Variants in RBFOX1 observed in about 807,000 individuals in gnomAD.
RBFOX1 encodes RNA binding fox-1 homolog 1.
A neutral mutation model predicts 57.7 loss-of-function variants in RBFOX1; 8 were observed. The ratio of observed to expected loss-of-function variants is 0.14; its 90% CI spans 0.08 to 0.25. The LOEUF is 0.25. Ranked by LOEUF, RBFOX1 falls within the 10% of genes least tolerant of loss-of-function variation. RBFOX1 has a pLI of 1.00. For missense variants in RBFOX1, 611 were observed against 548.5 expected (o/e 1.11, Z -1.14); for synonymous variants, 326 against 222.4 (o/e 1.47, Z -4.15).
chr16:5,551,387 C>T (rs1044094825), intron 2 of RBFOX1, among the ~76,000 whole-genome samples: 1 of 152,192 alleles, frequency 6.6e-6, no homozygotes, highest in African/African-American at 2.4e-5. Flanking sequence ...TTGGACGGGA[C>T]ACAGCCAGAG....
At chr16:5,771,689 G>A (rs2053982418) in intron 3 of RBFOX1, among the ~76,000 whole-genome samples, 1 of 152,298 alleles carries the variant, frequency 6.6e-6, no homozygotes, top group Non-Finnish European at 1.5e-5. Flanking sequence ...GATGACAGAT[G>A]TAAGCTACCA....
At chr16:6,888,623 A>C (rs2064699272) in intron 3 of RBFOX1, among the ~76,000 whole-genome samples, 1 of 152,128 alleles carries the variant, frequency 6.6e-6, no homozygotes, top group African/African-American at 2.4e-5. Flanking sequence ...TTGGTTCATC[A>C]GGCTGTTCCT....
Position 5,288,995 on chromosome 16 carries a change from C to CA in RBFOX1, c.219+48891dup, listed in dbSNP as rs1482542024. On this transcript the variant is annotated intron_variant, in intron 1 of 2. Coordinates refer to the RBFOX1 transcript ENST00000585867. Reference sequence around the variant, plus strand: ...AAAAAATTAGCTGGGCATGGTGGCGCACGCCTGTAGTCCCACCTACTCGGG... The same window carrying CA: ...AAAAAATTAGCTGGGCATGGTGGCGCAACGCCTGTAGTCCCACCTACTCGGG... Among the ~76,000 whole-genome samples, 14 of 152,206 alleles carry CA rather than the reference C, an allele frequency of 9.2e-5. No homozygotes were observed. In the East Asian group the frequency reaches 2.1e-3, roughly 23 times the overall value.
At chr16:5,281,991 A>G (rs9931181) in intron 1 of RBFOX1, among the ~76,000 whole-genome samples, 49,022 of 152,018 alleles carry the variant, frequency 0.32, 7,934 homozygotes, top group Non-Finnish European at 0.33. Context: ...TCCTTTTGAT[A>G]TGGTTTGGCT....
At chr16:6,632,589 G>C (rs1385851484) in intron 2 of RBFOX1, among the ~76,000 whole-genome samples, 1 of 152,190 alleles carries the variant, frequency 6.6e-6, no homozygotes, top group Non-Finnish European at 1.5e-5. Context: ...ACAAAAATGA[G>C]TCTCTTGAGG....
At chr16:5,997,216 G>C (rs1033835543) in intron 4 of RBFOX1, among the ~76,000 whole-genome samples, 3 of 152,204 alleles carry the variant, frequency 2.0e-5, no homozygotes, top group African/African-American at 4.8e-5. Context: ...GCTGTTGTTG[G>C]TCCAGGTCAG....
chr16:7,061,464 G>T (rs144066195), intron 4 of RBFOX1, among the ~76,000 whole-genome samples: 1 of 152,032 alleles, frequency 6.6e-6, no homozygotes, highest in Non-Finnish European at 1.5e-5. Context: ...GAAGTGTACA[G>T]GTGTCCACTT....
intron 2 of RBFOX1, among the ~76,000 whole-genome samples, chr16:6,574,805 A>G (rs939881938): frequency 2.3e-4 from 34 of 148,516 alleles, no homozygotes; most frequent in Non-Finnish European, 4.8e-4. Context: ...TAGGGAGGCC[A>G]AAGTGGGCGG....
intron 3 of RBFOX1, among the ~76,000 whole-genome samples, chr16:7,036,603 G>C (rs1467694271): frequency 6.6e-6 from 1 of 151,912 alleles, no homozygotes; most frequent in Non-Finnish European, 1.5e-5. Context: ...TGAGGCTGGA[G>C]AATCGCTTGA....
At chr16:6,947,764 T>C (rs1327068696) in intron 3 of RBFOX1, among the ~76,000 whole-genome samples, 1 of 152,164 alleles carries the variant, frequency 6.6e-6, no homozygotes, top group Non-Finnish European at 1.5e-5. Flanking sequence ...TTCATCTGAT[T>C]ACATTTTCTC....
intron 4 of RBFOX1, among the ~76,000 whole-genome samples, chr16:7,303,977 TG>T (rs1568117100): frequency 6.6e-6 from 1 of 151,468 alleles, no homozygotes; most frequent in Admixed American, 6.6e-5. Context: ...GGGTATGGGG[TG>T]GGGGGCCCCT....
chr16:6,053,940 C>G (rs1217791702), intron 1 of RBFOX1, among the ~76,000 whole-genome samples: 1 of 151,946 alleles, frequency 6.6e-6, no homozygotes, highest in Non-Finnish European at 1.5e-5. Flanking sequence ...CCTGTAGTTC[C>G]AGCTACTCAG....
chr16:7,679,962 C>G (rs1205001610), intron 14 of RBFOX1, among the ~76,000 whole-genome samples: 5 of 152,224 alleles, frequency 3.3e-5, no homozygotes, highest in Non-Finnish European at 5.9e-5. Flanking sequence ...TGACCTTCAC[C>G]AAATCTTTAT....
intron 2 of RBFOX1, among the ~76,000 whole-genome samples, chr16:6,637,686 T>A (rs1398258001): frequency 2.7e-5 from 4 of 150,422 alleles, no homozygotes; most frequent in Non-Finnish European, 4.4e-5. Context: ...GATGATGAAG[T>A]GGCAGCAGAA....
At chr16:5,631,640 C>T (rs1195409853) in intron 3 of RBFOX1, among the ~76,000 whole-genome samples, 1 of 152,068 alleles carries the variant, frequency 6.6e-6, no homozygotes, top group Non-Finnish European at 1.5e-5. Flanking sequence ...CTCCTTTGCC[C>T]TTCTGCATTC....
At chr16:5,335,865 G>A (rs1189146236) in intron 1 of RBFOX1, among the ~76,000 whole-genome samples, 1 of 152,108 alleles carries the variant, frequency 6.6e-6, no homozygotes, top group Non-Finnish European at 1.5e-5. Flanking sequence ...CCGACTCTTT[G>A]GGGGTGGTGA....
chr16:6,920,271 C>G (rs190446378), intron 3 of RBFOX1, among the ~76,000 whole-genome samples: 52 of 152,164 alleles, frequency 3.4e-4, no homozygotes, highest in Non-Finnish European at 6.9e-4. Context: ...TATATGACTT[C>G]TTTCCTTTGG....
chr16:5,369,979 C>G (rs1157967385), intron 1 of RBFOX1, among the ~76,000 whole-genome samples: 4 of 152,122 alleles, frequency 2.6e-5, no homozygotes, highest in Admixed American at 1.3e-4. Flanking sequence ...GGTTTCCTGC[C>G]AGTACTGCCC....
chr16:6,773,987 A>G, intron 3 of RBFOX1: 1 of 985,242 alleles, frequency 1.0e-6, no homozygotes, highest in Non-Finnish European at 1.2e-6. Context: ...TTTCAACTGA[A>G]CCTGTAATTA....
Sources: gnomAD v4.1 joint callset for allele counts (sites outside exome capture counted in the v4.1 genomes callset) on GRCh38, gnomAD v4.1.1 for gene constraint, MANE v1.5 for transcripts, NCBI Gene and HGNC (gene_info 2026-07-23, HGNC 2026-07-21) for gene names.